Variants in ATP2B4 observed in about 807,000 individuals in gnomAD.
ATP2B4 encodes the protein plasma membrane calcium-transporting ATPase 4.
In ATP2B4, 39 loss-of-function variants were observed where a neutral mutation model predicts 110.3. That is an observed-to-expected ratio of 0.35 (90% CI 0.27 to 0.46). The LOEUF is 0.46. ATP2B4 is among the 20% of genes least tolerant of loss of function. The probability of loss-of-function intolerance (pLI) is 1.00; values close to 1 mark genes in which losing one functional copy is unlikely to be tolerated. For missense variants in ATP2B4, 1,135 were observed against 1,530.9 expected (o/e 0.74, Z 4.32); for synonymous variants, 538 against 571.7 (o/e 0.94, Z 0.84).
Position 203,700,320 on chromosome 1 carries a change from T to C in ATP2B4, c.764T>C (p.Met255Thr), listed in dbSNP as rs1665653733. Residue 255 changes from methionine to threonine, a missense_variant, in exon 5 of 21, where the codon ATG (methionine) becomes ACG (threonine). By Grantham distance (81) the Met-to-Thr change is moderately conservative. Coordinates refer to ENST00000357681, the MANE Select transcript of ATP2B4 (RefSeq NM_001684.5). ...HVKKSLDKDPMLLSGTHVMEG... is the reference protein window; with the variant it reads ...HVKKSLDKDPTLLSGTHVMEG... ...AAGAAGTCCCTGGACAAAGACCCCA[T>C]GTTGCTCTCAGGTATAGGCCCTGGC... 12 of 1,613,004 alleles carry C rather than the reference T, an allele frequency of 7.4e-6. No individual in the cohort carries two copies. Among genetic ancestry groups the C allele is most frequent in the Non-Finnish European group, 1.0e-5 (12 of 1,179,458 alleles).
intron 20 of ATP2B4, among the ~76,000 whole-genome samples, chr1:203,738,005 ACT>A (rs2102242467): frequency 6.6e-6 from 1 of 151,856 alleles, no homozygotes; most frequent in Admixed American, 6.6e-5. Context: ...TATTTGGCTG[ACT>A]CTCTGTATCC....
intron 1 of ATP2B4, among the ~76,000 whole-genome samples, chr1:203,659,705 C>A (rs948721983): frequency 6.6e-6 from 1 of 152,094 alleles, no homozygotes; most frequent in Non-Finnish European, 1.5e-5. Context: ...TGGGGGAAGC[C>A]TGTAGTTCTA....
At chr1:203,679,732 A>G (rs1011729854) in intron 1 of ATP2B4, among the ~76,000 whole-genome samples, 5 of 152,106 alleles carry the variant, frequency 3.3e-5, no homozygotes, top group African/African-American at 7.2e-5. Context: ...AAATACAAAA[A>G]TTAGCTGGGC....
intron 10 of ATP2B4, among the ~76,000 whole-genome samples, chr1:203,708,440 T>C (rs2102397238): frequency 6.6e-6 from 1 of 152,250 alleles, no homozygotes; most frequent in South Asian, 2.1e-4. Flanking sequence ...ACAAGCATAG[T>C]GTATTAGAAT....
chr1:203,640,670 G>A (rs993651501), intron 1 of ATP2B4, among the ~76,000 whole-genome samples: 2 of 152,032 alleles, frequency 1.3e-5, no homozygotes, highest in South Asian at 2.1e-4. Flanking sequence ...AGTAATAATC[G>A]AGCTAACATT....
intron 1 of ATP2B4, among the ~76,000 whole-genome samples, chr1:203,668,250 G>T (rs1011621571): frequency 6.6e-6 from 1 of 152,090 alleles, no homozygotes; most frequent in Non-Finnish European, 1.5e-5. Flanking sequence ...GTTCTTGAGT[G>T]GTCAGCTTCT....
chr1:203,680,984 C>T (rs188608841), intron 1 of ATP2B4, among the ~76,000 whole-genome samples: 1 of 152,320 alleles, frequency 6.6e-6, no homozygotes, highest in African/African-American at 2.4e-5. Flanking sequence ...TTTAGCCCTT[C>T]CCACTTCTTC....
chr1:203,708,228 G>T, intron 10 of ATP2B4, 124 bp downstream of exon 10: 1 of 1,386,682 alleles, frequency 7.2e-7, no homozygotes, highest in Non-Finnish European at 9.9e-7. Context: ...CATTTCTCAC[G>T]CTGGAGTGAA....
intron 1 of ATP2B4, among the ~76,000 whole-genome samples, chr1:203,656,555 AAACTT>A (rs1392234053): frequency 6.6e-6 from 1 of 152,248 alleles, no homozygotes; most frequent in Non-Finnish European, 1.5e-5. Context: ...TAAACACTGT[AAACTT>A]AACATCTGTA....
chr1:203,657,997 G>A (rs1305228830), intron 1 of ATP2B4, among the ~76,000 whole-genome samples: 3 of 152,050 alleles, frequency 2.0e-5, no homozygotes, highest in African/African-American at 7.2e-5. Context: ...AACCACGGCC[G>A]ATCATTAGCA....
chr1:203,662,710 A>G (rs1040759423), intron 1 of ATP2B4, among the ~76,000 whole-genome samples: 29 of 152,188 alleles, frequency 1.9e-4, no homozygotes, highest in African/African-American at 7.0e-4. Flanking sequence ...TCATCTGCCC[A>G]TGGAGGCCCT....
intron 2 of ATP2B4, among the ~76,000 whole-genome samples, chr1:203,685,116 G>T (rs1665141628): frequency 6.6e-6 from 1 of 152,172 alleles, no homozygotes; most frequent in Non-Finnish European, 1.5e-5. Flanking sequence ...CTCCCAAAGT[G>T]CTGGGATTAC....
intron 20 of ATP2B4, among the ~76,000 whole-genome samples, chr1:203,734,995 T>A: frequency 1.3e-5 from 1 of 79,620 alleles, no homozygotes; most frequent in Non-Finnish European, 2.2e-5. Flanking sequence ...AGAGACAGAC[T>A]CCATCTCAAA....
chr1:203,728,395 C>G (rs1666585918), intron 20 of ATP2B4: 1 of 281,958 alleles, frequency 3.5e-6, no homozygotes, highest in African/African-American at 2.2e-5. Flanking sequence ...GCTCTCACCC[C>G]CCATAGCTTT....
chr1:203,641,265 G>A (rs566616574), intron 1 of ATP2B4, among the ~76,000 whole-genome samples: 7 of 152,244 alleles, frequency 4.6e-5, no homozygotes, highest in South Asian at 4.1e-4. Flanking sequence ...AAATTAACTC[G>A]GTCTCTCAGT....
chr1:203,742,468 A>G lies in ATP2B4; in HGVS notation c.*2614A>G, dbSNP rs1386454969. 6.6e-6 allele frequency: 1 copy of G among 152,666 alleles called. No homozygotes were observed. The highest frequency in any genetic ancestry group is 6.5e-5 in the Admixed American group (1 of 15,278). The allele number at this position is 152,666 out of a possible 1,614,324, so 9.5% of individuals were successfully genotyped here. On this transcript the variant is annotated 3_prime_UTR_variant, in exon 21 of 21. Coordinates refer to ENST00000357681, the MANE Select transcript of ATP2B4 (RefSeq NM_001684.5). ...GCAGTGGGTAAATATGGCATAAGTT[A>G]ATAACACTTTTCCCCAAAATGGTGC...
Position 203,699,653 on chromosome 1 carries a change from C to T in ATP2B4, c.585C>T (p.Asn195=), listed in dbSNP as rs149951732. ...EQEQKFSIIR[N]GQLIQLPVAE... ...AGCAAAAGTTCTCCATCATCCGAAA[C>T]GGTCAACTCATCCAGCTCCCTGTGG... is the stretch of plus-strand genomic sequence containing the variant. Residue 195 remains asparagine (N), a synonymous_variant, in exon 4 of 21, where the codon AAC becomes AAT. Transcript: ENST00000357681. The T allele has an allele frequency of 3.4e-4, 548 of 1,614,164 alleles. 1 individual carries two copies. Among genetic ancestry groups the T allele is most frequent in the African/African-American group, 1.4e-3 (103 of 75,022 alleles).
intron 1 of ATP2B4, chr1:203,657,070 A>G: frequency 1.2e-6 from 1 of 831,116 alleles, no homozygotes; most frequent in Non-Finnish European, 2.1e-6. Flanking sequence ...CACAAGGCCC[A>G]ATTCGCTCAC....
At chr1:203,730,908 C>T (rs1391163798) in intron 20 of ATP2B4, among the ~76,000 whole-genome samples, 1 of 152,216 alleles carries the variant, frequency 6.6e-6, no homozygotes, top group Non-Finnish European at 1.5e-5. Context: ...TATCCTGGAT[C>T]CCTGAGGTCC....
Sources: allele counts gnomAD v4.1 joint callset (sites outside exome capture counted in the v4.1 genomes callset), GRCh38; gene constraint gnomAD v4.1.1; transcripts MANE v1.5; gene names NCBI Gene and HGNC (gene_info 2026-07-23, HGNC 2026-07-21).